The following SLC44A5 variants were observed in gnomAD, a reference collection of about 807,000 sequenced individuals.
The protein encoded by SLC44A5 is solute carrier family 44 member 5.
SLC44A5 carries 57 observed loss-of-function variants against 101.8 expected under a neutral mutation model. The observed-to-expected ratio is 0.56, with a 90% CI of 0.45 to 0.70. SLC44A5 has a LOEUF of 0.70. Ranked by LOEUF, SLC44A5 falls within the 30% of genes least tolerant of loss-of-function variation. The pLI is 0.00. For missense variants in SLC44A5, 737 were observed against 853.1 expected (o/e 0.86, Z 1.70); for synonymous variants, 281 against 290.9 (o/e 0.97, Z 0.35).
intron 2 of SLC44A5, among the ~76,000 whole-genome samples, chr1:75,512,567 A>G (rs1433774589): frequency 6.6e-6 from 1 of 152,228 alleles, no homozygotes; most frequent in Non-Finnish European, 1.5e-5. Flanking sequence ...TATTGATGTT[A>G]AAGTATGTGA....
intron 3 of SLC44A5, among the ~76,000 whole-genome samples, chr1:75,352,953 G>T (rs889568365): frequency 1.4e-4 from 22 of 152,104 alleles, no homozygotes; most frequent in African/African-American, 5.1e-4. Flanking sequence ...AGAATTTCAT[G>T]ATCATCATTT....
At chr1:75,491,097 C>T (rs1430437782) in intron 2 of SLC44A5, among the ~76,000 whole-genome samples, 1 of 152,090 alleles carries the variant, frequency 6.6e-6, no homozygotes, top group African/African-American at 2.4e-5. Context: ...ACCCCATTCC[C>T]CTCTCCAGGG....
chr1:75,540,861 C>T (rs1488210509), intron 2 of SLC44A5, among the ~76,000 whole-genome samples: 2 of 152,128 alleles, frequency 1.3e-5, no homozygotes, highest in African/African-American at 4.8e-5. Context: ...AAGACCTAAC[C>T]TATGCCTGTA....
chr1:75,721,638 T>C, the SLC44A5 span, among the ~76,000 whole-genome samples: 1 of 152,184 alleles, frequency 6.6e-6, no homozygotes, highest in Non-Finnish European at 1.5e-5. Flanking sequence ...ATGTTTAATC[T>C]GAACTCCTCA....
chr1:75,268,306 C>T (rs1468717122), intron 6 of SLC44A5, among the ~76,000 whole-genome samples: 1 of 152,174 alleles, frequency 6.6e-6, no homozygotes, highest in Non-Finnish European at 1.5e-5. Flanking sequence ...GAAGTCACCT[C>T]CTCATGAGAG....
chr1:75,229,972 T>G (rs1647403012), intron 12 of SLC44A5, among the ~76,000 whole-genome samples: 1 of 152,218 alleles, frequency 6.6e-6, no homozygotes, highest in South Asian at 2.1e-4. Context: ...ATGTTAGGCC[T>G]TTCTCAACCT....
intron 2 of SLC44A5, among the ~76,000 whole-genome samples, chr1:75,477,421 T>C (rs1005105735): frequency 1.3e-5 from 2 of 151,846 alleles, no homozygotes; most frequent in African/African-American, 2.4e-5. Flanking sequence ...CTTTGACGAG[T>C]TGAGAGAAGG....
chr1:75,594,333 A>C (rs888950986), intron 1 of SLC44A5, among the ~76,000 whole-genome samples: 3 of 151,996 alleles, frequency 2.0e-5, no homozygotes, highest in African/African-American at 4.8e-5. Flanking sequence ...AAAAAAAAGA[A>C]CATGTTTAAA....
At position 75,584,822 on chromosome 1, in the gene SLC44A5, C is replaced by G. The variant is rs142994982; in HGVS notation, c.-70+26218G>C. 3.3e-5 allele frequency among the ~76,000 whole-genome samples: 5 copies of G among 152,206 alleles called. No individual in the cohort carries two copies. The East Asian group carries it at 7.7e-4, about 23-fold the overall frequency. On this transcript the variant is annotated intron_variant, in intron 1 of 23. Transcript: ENST00000370859. ...ACGTTGTCCAGGCTGGTCTTGGATT[C>G]CTGGGCTCAAGCAATCCACCTACCT...
chr1:75,345,077 A>G (rs1398949270), intron 3 of SLC44A5, among the ~76,000 whole-genome samples: 1 of 152,168 alleles, frequency 6.6e-6, no homozygotes, highest in African/African-American at 2.4e-5. Flanking sequence ...TTATGAAAAT[A>G]CAACTAAAGG....
intron 18 of SLC44A5, 90 bp downstream of exon 18, chr1:75,217,776 T>C: frequency 1.2e-6 from 1 of 826,882 alleles, no homozygotes; most frequent in South Asian, 1.4e-5. Context: ...TCATCCTTAC[T>C]ACCCTAGTCC....
the SLC44A5 span, among the ~76,000 whole-genome samples, chr1:75,634,206 G>C: frequency 6.6e-6 from 1 of 152,122 alleles, no homozygotes; most frequent in African/African-American, 2.4e-5. Flanking sequence ...TCTCTGCCCG[G>C]CTTTGGTATC....
chr1:75,265,156 T>G (rs987246440), intron 6 of SLC44A5, among the ~76,000 whole-genome samples: 4 of 152,318 alleles, frequency 2.6e-5, no homozygotes, highest in East Asian at 3.9e-4. Context: ...ATGGTTTCAC[T>G]GCTGAATTTT....
intron 1 of SLC44A5, among the ~76,000 whole-genome samples, chr1:75,565,263 C>T (rs1165625613): frequency 2.0e-5 from 3 of 152,100 alleles, no homozygotes; most frequent in Non-Finnish European, 1.5e-5. Flanking sequence ...CAAAAGCATT[C>T]GCCTTATTGG....
At chr1:75,359,831 T>C (rs976119224) in intron 3 of SLC44A5, among the ~76,000 whole-genome samples, 3 of 152,174 alleles carry the variant, frequency 2.0e-5, no homozygotes, top group Non-Finnish European at 4.4e-5. Context: ...TCACCAACAC[T>C]TGTTATCTTT....
chr1:75,261,583 C>G (rs960277984), intron 6 of SLC44A5, among the ~76,000 whole-genome samples: 1 of 152,050 alleles, frequency 6.6e-6, no homozygotes, highest in African/African-American at 2.4e-5. Flanking sequence ...CAAATTCCAC[C>G]AGAGGTACAA....
chr1:75,501,964 A>C (rs1009837220), intron 2 of SLC44A5, among the ~76,000 whole-genome samples: 2 of 152,242 alleles, frequency 1.3e-5, no homozygotes, highest in African/African-American at 2.4e-5. Context: ...AGTTCAAGTC[A>C]CACATACAAA....
chr1:75,589,980 T>A (rs1202954933), intron 1 of SLC44A5, among the ~76,000 whole-genome samples: 1 of 152,068 alleles, frequency 6.6e-6, no homozygotes, highest in Non-Finnish European at 1.5e-5. Flanking sequence ...TGAAAGGCAG[T>A]CTAGGCCATA....
chr1:75,247,338 G>A (rs923827935), intron 7 of SLC44A5, among the ~76,000 whole-genome samples: 1 of 152,050 alleles, frequency 6.6e-6, no homozygotes, highest in Non-Finnish European at 1.5e-5. Flanking sequence ...CATTGGGGTG[G>A]GGAACAATTT....
Sources: allele counts gnomAD v4.1 joint callset (sites outside exome capture counted in the v4.1 genomes callset), GRCh38; gene constraint gnomAD v4.1.1; transcripts MANE v1.5; gene names NCBI Gene and HGNC (gene_info 2026-07-23, HGNC 2026-07-21).